The following NAALADL2 variants were observed in gnomAD, a reference collection of about 807,000 sequenced individuals.
The protein encoded by NAALADL2 is inactive N-acetylated-alpha-linked acidic dipeptidase-like protein 2.
NAALADL2 carries 76 observed loss-of-function variants against 87.2 expected under a neutral mutation model. That is an observed-to-expected ratio of 0.87 (90% CI 0.72 to 1.05). The LOEUF (loss-of-function observed/expected upper bound fraction) is 1.05, where lower values mean the gene tolerates loss of function less well. Among genes scored for constraint, NAALADL2 ranks in the 50% least tolerant of loss-of-function variants. The probability of loss-of-function intolerance (pLI) is 0.00; values close to 1 mark genes in which losing one functional copy is unlikely to be tolerated. For synonymous variants in NAALADL2, 354 were observed against 331.0 expected (o/e 1.07, Z -0.75); for missense variants, 1,089 against 945.8 (o/e 1.15, Z -1.99).
chr3:174,995,508 C>T (rs1390665981), intron 1 of NAALADL2, among the ~76,000 whole-genome samples: 4 of 152,074 alleles, frequency 2.6e-5, no homozygotes, highest in African/African-American at 9.7e-5. Flanking sequence ...TTTGGGTTTG[C>T]TTTTCTGTTC....
chr3:174,866,934 C>T (rs1381070485), intron 1 of NAALADL2, among the ~76,000 whole-genome samples: 1 of 151,502 alleles, frequency 6.6e-6, no homozygotes, highest in Admixed American at 6.6e-5. Flanking sequence ...TTTGGGGCAT[C>T]TTTTTTTCTT....
At chr3:174,553,013 G>A (rs1712334898) in intron 2 of NAALADL2, among the ~76,000 whole-genome samples, 1 of 152,138 alleles carries the variant, frequency 6.6e-6, no homozygotes, top group East Asian at 1.9e-4. Context: ...AAGATGATGA[G>A]ATTAATAAAT....
chr3:174,610,697 A>T (rs2108638410), intron 2 of NAALADL2, among the ~76,000 whole-genome samples: 1 of 151,200 alleles, frequency 6.6e-6, no homozygotes, highest in East Asian at 2.0e-4. Context: ...GAGAAATAGG[A>T]ACACTTTTAC....
intron 5 of NAALADL2, among the ~76,000 whole-genome samples, chr3:175,364,487 T>A (rs968143878): frequency 6.8e-6 from 1 of 147,774 alleles, no homozygotes. Context: ...GGGAGTGATA[T>A]TACCAGTTAT....
chr3:175,071,525 A>C (rs1049968839), intron 1 of NAALADL2, among the ~76,000 whole-genome samples: 7 of 152,080 alleles, frequency 4.6e-5, no homozygotes, highest in African/African-American at 1.7e-4. Context: ...CTGGGAGAGT[A>C]TAACACATTT....
chr3:175,275,954 C>T (rs1172357577), intron 4 of NAALADL2, among the ~76,000 whole-genome samples: 2 of 151,320 alleles, frequency 1.3e-5, no homozygotes, highest in Non-Finnish European at 1.5e-5. Flanking sequence ...GAAGTTACAC[C>T]ACCATGGCAC....
rs772447340 is a variant in NAALADL2, at chr3:174,794,981, C to CTTTTTTTTTTTTTT, written c.-9+57249_-9+57262dup. ...TTAAAAGTTGAAACTTCTAGTCCAG[C>CTTTTTTTTTTTTTT]TTTTTTTTTTTTTTTTTTTTTTTTT... is the stretch of plus-strand genomic sequence containing the variant. On this transcript the variant is annotated intron_variant, in intron 3 of 3. Coordinates refer to the NAALADL2 transcript ENST00000434257. 1.9e-4 allele frequency among the ~76,000 whole-genome samples: 13 copies of CTTTTTTTTTTTTTT among 66,694 alleles called. 2 individuals carry two copies. The highest frequency in any genetic ancestry group is 3.6e-4 in the African/African-American group (6 of 16,878). 43.8% of individuals were successfully genotyped at this position (66,694 alleles called of 152,430 possible).
At chr3:174,646,953 G>T (rs749012665) in intron 2 of NAALADL2, among the ~76,000 whole-genome samples, 5 of 152,048 alleles carry the variant, frequency 3.3e-5, no homozygotes, top group Non-Finnish European at 7.4e-5. Flanking sequence ...GTATTCACCA[G>T]TTTTTAATGG....
At chr3:174,714,019 G>A (rs1175957510) in intron 2 of NAALADL2, among the ~76,000 whole-genome samples, 1 of 152,080 alleles carries the variant, frequency 6.6e-6, no homozygotes, top group Non-Finnish European at 1.5e-5. Flanking sequence ...TTCTACATAT[G>A]GCTAGCCAGT....
At chr3:175,788,475 A>G (rs750643052) in intron 13 of NAALADL2, among the ~76,000 whole-genome samples, 10 of 152,140 alleles carry the variant, frequency 6.6e-5, no homozygotes, top group Non-Finnish European at 1.0e-4. Context: ...CCATTGTGTT[A>G]TAATTGCCTA....
chr3:175,671,368 T>C (rs1180852458), intron 11 of NAALADL2, among the ~76,000 whole-genome samples: 1 of 151,982 alleles, frequency 6.6e-6, no homozygotes, highest in Non-Finnish European at 1.5e-5. Context: ...ATGGCATGTA[T>C]TTTATAAACA....
intron 10 of NAALADL2, among the ~76,000 whole-genome samples, chr3:175,589,570 G>A (rs1434750514): frequency 6.6e-6 from 1 of 151,214 alleles, no homozygotes; most frequent in East Asian, 1.9e-4. Context: ...AGCTTTTCAT[G>A]TTATTTAAAA....
chr3:174,572,876 C>T (rs1050242172), intron 2 of NAALADL2, among the ~76,000 whole-genome samples: 1 of 152,164 alleles, frequency 6.6e-6, no homozygotes, highest in Non-Finnish European at 1.5e-5. Context: ...TATATTATCT[C>T]ATTTAAATCT....
At chr3:175,381,811 G>A (rs910240642) in intron 5 of NAALADL2, among the ~76,000 whole-genome samples, 19 of 152,190 alleles carry the variant, frequency 1.2e-4, no homozygotes, top group African/African-American at 4.6e-4. Flanking sequence ...TCATTGTGGA[G>A]CAACAAGTGA....
intron 2 of NAALADL2, among the ~76,000 whole-genome samples, chr3:174,682,531 C>T (rs887568659): frequency 1.1e-4 from 17 of 152,262 alleles, no homozygotes; most frequent in African/African-American, 3.9e-4. Flanking sequence ...TTACCCCTCC[C>T]CCAACTCCAG....
intron 2 of NAALADL2, among the ~76,000 whole-genome samples, chr3:174,652,655 A>G (rs1181180300): frequency 6.6e-6 from 1 of 152,156 alleles, no homozygotes; most frequent in Non-Finnish European, 1.5e-5. Flanking sequence ...CCCACAACAC[A>G]TGGGGATTAT....
chr3:174,562,602 G>C (rs1200290197), intron 2 of NAALADL2, among the ~76,000 whole-genome samples: 1 of 151,868 alleles, frequency 6.6e-6, no homozygotes, highest in African/African-American at 2.4e-5. Flanking sequence ...CATTCTTTTT[G>C]CATAGTTGTA....
chr3:174,655,802 A>C (rs999654820), intron 2 of NAALADL2, among the ~76,000 whole-genome samples: 4 of 152,204 alleles, frequency 2.6e-5, no homozygotes, highest in African/African-American at 9.6e-5. Flanking sequence ...AAGAGAATTT[A>C]AATTACCTTA....
intron 1 of NAALADL2, among the ~76,000 whole-genome samples, chr3:175,028,821 G>C (rs1273947170): frequency 6.6e-6 from 1 of 151,556 alleles, no homozygotes; most frequent in Non-Finnish European, 1.5e-5. Flanking sequence ...TTTTAATTCT[G>C]TTATTTACAA....
Sources: allele counts gnomAD v4.1 joint callset (sites outside exome capture counted in the v4.1 genomes callset), GRCh38; gene constraint gnomAD v4.1.1; transcripts MANE v1.5; gene names NCBI Gene and HGNC (gene_info 2026-07-23, HGNC 2026-07-21).